ANKRD33B: variants seen among roughly 807,000 people sequenced by gnomAD.
The protein encoded by ANKRD33B is ankyrin repeat domain 33B.
In ANKRD33B, 6 loss-of-function variants were observed where a neutral mutation model predicts 21.5. That is an observed-to-expected ratio of 0.28 (90% confidence interval 0.15 to 0.55). ANKRD33B has a LOEUF of 0.55. Among genes scored for constraint, ANKRD33B ranks in the 20% least tolerant of loss-of-function variants. ANKRD33B has a pLI of 0.94. For missense variants in ANKRD33B, 698 were observed against 747.2 expected (o/e 0.93, Z 0.77); for synonymous variants, 347 against 342.4 (o/e 1.01, Z -0.15).
intron 3 of ANKRD33B, among the ~76,000 whole-genome samples, chr5:10,638,400 G>T (rs1272735273): frequency 6.6e-6 from 1 of 152,202 alleles, no homozygotes; most frequent in Non-Finnish European, 1.5e-5. Flanking sequence ...CTTTGCAGTG[G>T]GTGGCACCTT....
intron 2 of ANKRD33B, among the ~76,000 whole-genome samples, chr5:10,623,996 T>TTTA (rs1463722544): frequency 6.6e-6 from 1 of 152,254 alleles, no homozygotes; most frequent in Non-Finnish European, 1.5e-5. Flanking sequence ...CTCTTCAGTC[T>TTTA]GCTCTCTGGA....
intron 1 of ANKRD33B, among the ~76,000 whole-genome samples, chr5:10,591,388 A>C (rs1385760360): frequency 2.0e-5 from 3 of 151,700 alleles, no homozygotes; most frequent in Non-Finnish European, 4.4e-5. Context: ...TAGAGACAGG[A>C]TTTCACCATA....
intron 3 of ANKRD33B, among the ~76,000 whole-genome samples, chr5:10,641,189 T>G (rs991113559): frequency 2.6e-5 from 4 of 151,648 alleles, no homozygotes; most frequent in South Asian, 2.1e-4. Context: ...TTTAGTTGTC[T>G]TCTTCTTAGT....
intron 3 of ANKRD33B, among the ~76,000 whole-genome samples, chr5:10,648,888 T>C (rs1353017395): frequency 6.6e-6 from 1 of 152,238 alleles, no homozygotes; most frequent in Non-Finnish European, 1.5e-5. Flanking sequence ...CCCAGCACTT[T>C]GGAAGGCGGA....
intron 3 of ANKRD33B, among the ~76,000 whole-genome samples, chr5:10,640,162 T>C (rs570302755): frequency 9.3e-5 from 14 of 150,056 alleles, no homozygotes; most frequent in African/African-American, 2.9e-4. Flanking sequence ...TAGCGGGTGA[T>C]GTGGAGTTGC....
chr5:10,611,941 T>G (rs1736180700), intron 1 of ANKRD33B, among the ~76,000 whole-genome samples: 1 of 152,162 alleles, frequency 6.6e-6, no homozygotes, highest in African/African-American at 2.4e-5. Context: ...GCACACTTGG[T>G]CTTCTCTACA....
intron 2 of ANKRD33B, among the ~76,000 whole-genome samples, chr5:10,628,475 C>T (rs1041126334): frequency 3.3e-5 from 5 of 152,056 alleles, no homozygotes; most frequent in African/African-American, 1.2e-4. Flanking sequence ...AACCATTGCG[C>T]TCGGCCAGCC....
intron 1 of ANKRD33B, among the ~76,000 whole-genome samples, chr5:10,574,117 TACAC>T (rs1391466448): frequency 6.6e-6 from 1 of 152,232 alleles, no homozygotes; most frequent in Non-Finnish European, 1.5e-5. Flanking sequence ...CACACACACA[TACAC>T]ACATATCATT....
chr5:10,649,150 G>C (rs923371278), intron 3 of ANKRD33B, 116 bp from the exon 4 acceptor site: 8 of 1,437,720 alleles, frequency 5.6e-6, no homozygotes, highest in Non-Finnish European at 7.3e-6. Context: ...TCTGTTAGGA[G>C]GCTTGGGGCC....
intron 2 of ANKRD33B, among the ~76,000 whole-genome samples, chr5:10,620,586 T>C (rs755662065): frequency 3.3e-5 from 5 of 152,214 alleles, no homozygotes; most frequent in Non-Finnish European, 5.9e-5. Context: ...GCGTTAGAGA[T>C]AATAGCTGTG....
At chr5:10,638,260 A>G (rs904578966) in intron 3 of ANKRD33B, 92 bp downstream of exon 3, 12 of 1,385,294 alleles carry the variant, frequency 8.7e-6, no homozygotes, top group Non-Finnish European at 1.2e-5. Flanking sequence ...TCACTCCCAT[A>G]GAAACAATGC....
chr5:10,618,586 G>A, intron 2 of ANKRD33B, 124 bp downstream of exon 2: 2 of 1,348,086 alleles, frequency 1.5e-6, no homozygotes, highest in Non-Finnish European at 2.0e-6. Flanking sequence ...TGCTACCAAG[G>A]GGTGCCAGGG....
chr5:10,646,286 A>G (rs1307276535), intron 3 of ANKRD33B, among the ~76,000 whole-genome samples: 1 of 152,240 alleles, frequency 6.6e-6, no homozygotes, highest in Non-Finnish European at 1.5e-5. Context: ...AGATGGATAC[A>G]GTGGCATTTC....
At chr5:10,632,191 T>TG (rs937487226) in intron 2 of ANKRD33B, among the ~76,000 whole-genome samples, 1 of 151,532 alleles carries the variant, frequency 6.6e-6, no homozygotes, top group Non-Finnish European at 1.5e-5. Flanking sequence ...GTGGGCAGCG[T>TG]GGGGGGCGAT....
At chr5:10,574,631 A>C (rs1033438775) in intron 1 of ANKRD33B, among the ~76,000 whole-genome samples, 4 of 152,240 alleles carry the variant, frequency 2.6e-5, no homozygotes, top group Non-Finnish European at 4.4e-5. Flanking sequence ...CCAGGACAAA[A>C]GCTGATTCTC....
intron 1 of ANKRD33B, among the ~76,000 whole-genome samples, chr5:10,612,249 CA>C (rs1329979426): frequency 1.3e-5 from 2 of 152,170 alleles, no homozygotes; most frequent in African/African-American, 4.8e-5. Flanking sequence ...GGCTTATAAA[CA>C]ATGGAGATTT....
intron 3 of ANKRD33B, among the ~76,000 whole-genome samples, chr5:10,645,165 C>G (rs748831839): frequency 6.6e-6 from 1 of 152,160 alleles, no homozygotes; most frequent in Non-Finnish European, 1.5e-5. Context: ...TTTGTCATCC[C>G]GATTATACCC....
chr5:10,613,268 T>C (rs1277864690), intron 1 of ANKRD33B, among the ~76,000 whole-genome samples: 4 of 144,340 alleles, frequency 2.8e-5, no homozygotes, highest in African/African-American at 1.0e-4. Flanking sequence ...TGTAAAACTA[T>C]TTCTTAATGA....
intron 1 of ANKRD33B, among the ~76,000 whole-genome samples, chr5:10,596,385 G>A (rs559784642): frequency 9.5e-4 from 144 of 152,274 alleles, no homozygotes; most frequent in South Asian, 3.7e-3. Flanking sequence ...TGTTCTCATC[G>A]TTCAGCTCCC....
Sources: gnomAD v4.1 joint callset for allele counts (sites outside exome capture counted in the v4.1 genomes callset) on GRCh38, gnomAD v4.1.1 for gene constraint, MANE v1.5 for transcripts, NCBI Gene and HGNC (gene_info 2026-07-23, HGNC 2026-07-21) for gene names.